ARHGAP35: variants seen among roughly 807,000 people sequenced by gnomAD.
ARHGAP35 encodes Rho GTPase activating protein 35.
ARHGAP35 carries 15 observed loss-of-function variants against 111.1 expected under a neutral mutation model. The ratio of observed to expected loss-of-function variants is 0.13; its 90% confidence interval spans 0.09 to 0.21. The LOEUF is 0.21. Ranked by LOEUF, ARHGAP35 falls within the 10% of genes least tolerant of loss-of-function variation. The probability of loss-of-function intolerance (pLI) is 1.00; values close to 1 mark genes in which losing one functional copy is unlikely to be tolerated. For missense variants in ARHGAP35, 1,262 were observed against 1,873.0 expected (o/e 0.67, Z 6.02); for synonymous variants, 643 against 710.3 (o/e 0.91, Z 1.51).
At chr19:46,964,800 C>T (rs2056503628) in intron 3 of ARHGAP35, among the ~76,000 whole-genome samples, 3 of 152,068 alleles carry the variant, frequency 2.0e-5, no homozygotes, top group Non-Finnish European at 4.4e-5. Flanking sequence ...AAGAAATGGG[C>T]ACAAGCCAAC....
intron 1 of ARHGAP35, among the ~76,000 whole-genome samples, chr19:46,889,366 G>A (rs911299879): frequency 6.6e-6 from 1 of 152,012 alleles, no homozygotes; most frequent in Non-Finnish European, 1.5e-5. Flanking sequence ...GGCTGAGGCA[G>A]GAGAATCCCT....
intron 1 of ARHGAP35, among the ~76,000 whole-genome samples, chr19:46,910,458 A>ATT (rs775045850): frequency 7.2e-6 from 1 of 139,030 alleles, no homozygotes; most frequent in African/African-American, 2.6e-5. Context: ...CACCCAGCGA[A>ATT]TTTTTTTTTT....
In ARHGAP35 at chr19:46,918,948, G is replaced by A. The variant is rs2056180205; in HGVS notation, c.273G>A (p.Met91Ile). 1 of 1,613,904 alleles carries A rather than the reference G, an allele frequency of 6.2e-7. No individual in the cohort carries two copies. The highest frequency in any genetic ancestry group is 8.5e-7 in the Non-Finnish European group (1 of 1,179,906). The change falls in exon 2 of 7, where the codon ATG becomes ATA. Residue 91 changes from methionine (M) to isoleucine (I), a missense_variant. Coordinates refer to ENST00000672722, the MANE Select transcript of ARHGAP35 (RefSeq NM_004491.5). This position sits in a 1 kb window ranked among gnomAD's most constrained non-coding sequence, Gnocchi z 5.4. ...RSLEDCVECKMHIVEQTEFID... is the reference protein window; with the variant it reads ...RSLEDCVECKIHIVEQTEFID... ...TGGAGGATTGTGTGGAATGTAAGAT[G>A]CACATTGTGGAGCAGACTGAATTTA...
chr19:46,888,260 TAATATATATATATATATATATATATA>T, intron 1 of ARHGAP35, among the ~76,000 whole-genome samples: 1 of 53,106 alleles, frequency 1.9e-5, no homozygotes, highest in Admixed American at 3.1e-4. Context: ...CCTCAATCAA[TAATATATATATATATATATATATATA>T]TATATATATA....
intron 1 of ARHGAP35, among the ~76,000 whole-genome samples, chr19:46,863,482 A>G (rs1036567605): frequency 6.6e-6 from 1 of 151,010 alleles, no homozygotes; most frequent in African/African-American, 2.4e-5. Context: ...CTCCCTTCCT[A>G]TCTCTGGGCT....
chr19:46,944,536 G>C (rs1004342772), intron 3 of ARHGAP35, among the ~76,000 whole-genome samples: 2 of 152,062 alleles, frequency 1.3e-5, no homozygotes, highest in Non-Finnish European at 2.9e-5. Context: ...TGATATCTTG[G>C]GCGTCACTTC....
Position 46,993,580 on chromosome 19 carries a change from G to C in ARHGAP35, c.4036+3905G>C, listed in dbSNP as rs2056690880. Among the ~76,000 whole-genome samples, 1 of 152,196 alleles carries C rather than the reference G, an allele frequency of 6.6e-6. No individual in the cohort carries two copies. Among genetic ancestry groups the C allele is most frequent in the African/African-American group, 2.4e-5 (1 of 41,454 alleles). ...AATCGGTAAGGTCCCTGTGCCCTCT[G>C]TCTGTCCCCTCCCCTCCCTCCTGAG... is the stretch of plus-strand genomic sequence containing the variant. On this transcript the variant is annotated intron_variant, in intron 5 of 6. Coordinates refer to ENST00000672722, the MANE Select transcript of ARHGAP35 (RefSeq NM_004491.5). The surrounding 1 kb of genome is among the most constrained non-coding windows in gnomAD (Gnocchi z 4.6).
At chr19:46,907,390 T>A (rs1390057973) in intron 1 of ARHGAP35, among the ~76,000 whole-genome samples, 20 of 152,062 alleles carry the variant, frequency 1.3e-4, no homozygotes. Flanking sequence ...GACCTCGTGA[T>A]CCGCCCGCCT....
intron 3 of ARHGAP35, chr19:46,947,210 A>G (rs1411958919): frequency 6.6e-6 from 1 of 152,166 alleles, no homozygotes; most frequent in Non-Finnish European, 1.5e-5. Flanking sequence ...ACTTTATATT[A>G]ATTAAGCACC....
In ARHGAP35 at chr19:46,922,601, A is replaced by G. The variant is rs1225050090; in HGVS notation, c.3681+245A>G. Among the ~76,000 whole-genome samples the G allele has an allele frequency of 6.6e-6, 1 of 152,330 alleles. No individual in the cohort carries two copies. Among genetic ancestry groups the G allele is most frequent in the East Asian group, 1.9e-4 (1 of 5,190 alleles). On this transcript the variant is annotated intron_variant, in intron 2 of 6. Coordinates refer to ENST00000672722, the MANE Select transcript of ARHGAP35 (RefSeq NM_004491.5). The surrounding 1 kb of genome is among the most constrained non-coding windows in gnomAD (Gnocchi z 4.0). ...TAAAACAATAGTTAATTAATTAGCA[A>G]AATGAGGAGATAATGCAGAACTTGT...
chr19:46,967,460 G>A (rs1028050665), intron 3 of ARHGAP35, among the ~76,000 whole-genome samples: 2 of 152,110 alleles, frequency 1.3e-5, no homozygotes, highest in Admixed American at 6.5e-5. Context: ...CCTGGCCCCT[G>A]CCCCTGCGTT....
chr19:46,879,059 C>T (rs1169456460), intron 1 of ARHGAP35, among the ~76,000 whole-genome samples: 1 of 152,166 alleles, frequency 6.6e-6, no homozygotes, highest in Non-Finnish European at 1.5e-5. Context: ...CCTCTGAAAC[C>T]CTGCTGCTAC....
At chr19:46,881,867 G>T (rs544751541) in intron 1 of ARHGAP35, among the ~76,000 whole-genome samples, 1 of 152,290 alleles carries the variant, frequency 6.6e-6, no homozygotes, top group Non-Finnish European at 1.5e-5. Context: ...ATCAAGGTGG[G>T]CTAGGTCTTC....
rs1204700561 is a variant in ARHGAP35 at position 46,922,987 on chromosome 19, C to T, written c.3681+631C>T. ...TTGCTGCTGCTATCAGTCAGAAACT[C>T]GGATTTTATTTAGGGATCACAAATG... On this transcript the variant is annotated intron_variant, in intron 2 of 6. Coordinates refer to ENST00000672722, the MANE Select transcript of ARHGAP35 (RefSeq NM_004491.5). The surrounding 1 kb of genome is among the most constrained non-coding windows in gnomAD (Gnocchi z 4.0). 6.6e-6 allele frequency among the ~76,000 whole-genome samples: 1 copy of T among 151,686 alleles called. No individual in the cohort carries two copies. Among genetic ancestry groups the T allele is most frequent in the Non-Finnish European group, 1.5e-5 (1 of 67,990 alleles).
chr19:46,903,715 C>T (rs1243598264), intron 1 of ARHGAP35, among the ~76,000 whole-genome samples: 1 of 152,126 alleles, frequency 6.6e-6, no homozygotes. Context: ...TGGCCAAGCA[C>T]TTTCTAAGGA....
At chr19:46,910,083 T>G (rs191255228) in intron 1 of ARHGAP35, among the ~76,000 whole-genome samples, 1 of 152,302 alleles carries the variant, frequency 6.6e-6, no homozygotes, top group East Asian at 1.9e-4. Flanking sequence ...AAGGTAGCAG[T>G]GTACAACAAT....
In ARHGAP35 at chr19:46,875,236, TGTC is replaced by T. The variant is rs575960664; in HGVS notation, c.-189+14029_-189+14031del. 3.2e-3 allele frequency among the ~76,000 whole-genome samples: 485 copies of T among 152,296 alleles called. 12 individuals are homozygous for T. Among genetic ancestry groups the T allele is most frequent in the East Asian group, 1.9e-3 (10 of 5,192 alleles). ...TTTATTTACTGATCATTCTTTCTGTTGTCGGGGAGAGTAACAGATCTTCAGTTC... is the reference window on the plus strand; with the variant it reads ...TTTATTTACTGATCATTCTTTCTGTTGGGGAGAGTAACAGATCTTCAGTTC... On this transcript the variant is annotated intron_variant, in intron 1 of 6. Coordinates refer to ENST00000672722, the MANE Select transcript of ARHGAP35 (RefSeq NM_004491.5).
intron 1 of ARHGAP35, among the ~76,000 whole-genome samples, chr19:46,896,746 G>A (rs1321335190): frequency 6.6e-6 from 1 of 152,168 alleles, no homozygotes; most frequent in Non-Finnish European, 1.5e-5. Context: ...CTGTAAAATG[G>A]GGATTATAAT....
chr19:46,959,987 A>G (rs1161379162), intron 3 of ARHGAP35, among the ~76,000 whole-genome samples: 3 of 148,498 alleles, frequency 2.0e-5, no homozygotes, highest in East Asian at 2.0e-4. Flanking sequence ...GCACATGTCT[A>G]TAGTCCCAGC....
Sources: allele counts gnomAD v4.1 joint callset (sites outside exome capture counted in the v4.1 genomes callset), GRCh38; gene constraint gnomAD v4.1.1; non-coding constraint Gnocchi (gnomAD v3.1); transcripts MANE v1.5; gene names NCBI Gene and HGNC (gene_info 2026-07-23, HGNC 2026-07-21).